Variants in MAP2K7 observed in about 807,000 individuals in gnomAD.
MAP2K7 encodes the protein dual specificity mitogen-activated protein kinase kinase 7.
A neutral mutation model predicts 47.7 loss-of-function variants in MAP2K7; 12 were observed. That is an observed-to-expected ratio of 0.25 (90% confidence interval 0.16 to 0.41). The LOEUF (loss-of-function observed/expected upper bound fraction) is 0.41, where lower values mean the gene tolerates loss of function less well. MAP2K7 is among the 10% of genes least tolerant of loss of function. MAP2K7 has a pLI of 1.00. For synonymous variants in MAP2K7, 299 were observed against 243.0 expected, an observed-to-expected ratio of 1.23 and a Z score of -2.14; for missense variants, 415 against 600.3, an observed-to-expected ratio of 0.69 and a Z score of 3.23.
chr19:7,905,813 G>A (rs1568274417), intron 1 of MAP2K7: 1 of 1,579,748 alleles, frequency 6.3e-7, no homozygotes, highest in Non-Finnish European at 8.6e-7. Flanking sequence ...TCCAGTTATT[G>A]TGATCACTCT....
In MAP2K7 at chr19:7,914,186, T is replaced by C. The variant is rs1229208248; in HGVS notation, c.*1755T>C. ...TTTTATTTAACTTTATTTTCTGTTT[T>C]ATGAGTGTGTGTCCGCCCACCCCCA... On this transcript the variant is annotated 3_prime_UTR_variant, in exon 11 of 11. Coordinates refer to ENST00000397979, the MANE Select transcript of MAP2K7 (RefSeq NM_145185.4). 4 of 152,332 alleles carry C rather than the reference T, an allele frequency of 2.6e-5. No individual in the cohort carries two copies. Among genetic ancestry groups the C allele is most frequent in the African/African-American group, 9.7e-5 (4 of 41,434 alleles). 9.4% of individuals were successfully genotyped at this position (152,332 alleles called of 1,614,324 possible). A position where few individuals can be genotyped will look rare whatever the true frequency, so the allele number is the denominator to read the frequency against.
rs56278855 is a variant in MAP2K7 at position 7,911,316 on chromosome 19, C to T, written c.922C>T (p.Leu308=). 7.2e-5 allele frequency: 116 copies of T among 1,613,470 alleles called. No homozygotes were observed. In the East Asian group the frequency reaches 2.3e-3, roughly 33 times the overall value. Residue 308 remains leucine, a synonymous_variant, in exon 8 of 11, where the codon CTG becomes TTG. Coordinates refer to ENST00000397979, the MANE Select transcript of MAP2K7 (RefSeq NM_145185.4). ...TGACATCCGGGCCGACGTATGGAGC[C>T]TGGGCATCTCGTTGGTGAGTTGGGG... is the stretch of plus-strand genomic sequence containing the variant. The part of the protein sequence containing the change: ...DYDIRADVWS[L]GISLVELATG...
intron 1 of MAP2K7, among the ~76,000 whole-genome samples, chr19:7,909,490 G>A (rs1396142612): frequency 3.3e-5 from 5 of 152,206 alleles, no homozygotes; most frequent in Admixed American, 2.6e-4. Flanking sequence ...CTCCGTCAGC[G>A]TAGACTTGGG....
chr19:7,905,712 C>T, intron 1 of MAP2K7: 1 of 1,126,674 alleles, frequency 8.9e-7, no homozygotes, highest in Non-Finnish European at 1.4e-6. Flanking sequence ...CCCCCTCCTC[C>T]TCGTTTATGA....
rs760538458 is a variant in MAP2K7, at chr19:7,911,231, T to TCTC, written c.856-14_856-12dup. Reference sequence around the variant, plus strand: ...CGGCCCCAGCCTTGGAGATACGTCTTCTCCTCCCCCCCCTGCAGCCCGAGC... The same window carrying TCTC: ...CGGCCCCAGCCTTGGAGATACGTCTTCTCCTCCTCCCCCCCCTGCAGCCCGAGC... On this transcript the variant is annotated intron_variant, in intron 7 of 10. Transcript: ENST00000397979. The TCTC allele has an allele frequency of 1.4e-4, 221 of 1,605,936 alleles. No homozygotes were observed. The highest frequency in any genetic ancestry group is 2.2e-4 in the South Asian group (20 of 90,904).
chr19:7,910,737 T>G lies in MAP2K7; in HGVS notation c.609T>G (p.Ala203=), dbSNP rs770062647. Residue 203 remains alanine, a synonymous_variant, in exon 6 of 11, where the codon GCT becomes GCG. Transcript: ENST00000397979. ...FIAMELMGTC[A]EKLKKRMQGP... ...CCATGGAGCTCATGGGCACCTGCGC[T>G]GAGAAGCTCAAGAAGCGGATGCAGG... The G allele has an allele frequency of 6.2e-7, 1 of 1,612,000 alleles. No homozygotes were observed.
chr19:7,911,721 C>T (rs1982886712), intron 9 of MAP2K7, 143 bp downstream of exon 9: 3 of 884,884 alleles, frequency 3.4e-6, no homozygotes, highest in Non-Finnish European at 5.0e-6. Context: ...GCGGCTGCCA[C>T]AGGAGCTGGA....
In MAP2K7 at chr19:7,911,865, G is replaced by A. The variant is rs971971937; in HGVS notation, c.1080-284G>A. On this transcript the variant is annotated intron_variant, in intron 9 of 10. Coordinates refer to ENST00000397979, the MANE Select transcript of MAP2K7 (RefSeq NM_145185.4). ...ACAAGCACAGCTACAAGTTCAGGAG[G>A]GCCATGTTCGATTCTCTCAGGGGAG... 2.0e-5 allele frequency among the ~76,000 whole-genome samples: 3 copies of A among 152,300 alleles called. No homozygotes were observed. In the Middle Eastern group the frequency reaches 0.01, roughly 518 times the overall value.
intron 6 of MAP2K7, 75 bp downstream of exon 6, chr19:7,910,878 C>T: frequency 6.3e-7 from 1 of 1,588,166 alleles, no homozygotes; most frequent in Non-Finnish European, 8.6e-7. Flanking sequence ...GTGCACTGGG[C>T]AAGATGACAG....
In MAP2K7 at chr19:7,912,852, C is replaced by A. The variant is rs924729550; in HGVS notation, c.*421C>A. Reference sequence around the variant, plus strand: ...CCGTCGCCCTCTGTCCCCTGCTCTACCTCTCTGTCCTTGTCTGGCTCTCCC... The same window carrying A: ...CCGTCGCCCTCTGTCCCCTGCTCTAACTCTCTGTCCTTGTCTGGCTCTCCC... On this transcript the variant is annotated 3_prime_UTR_variant, in exon 11 of 11. Transcript: ENST00000397979. The A allele has an allele frequency of 9.8e-6, 2 of 205,082 alleles. No individual in the cohort carries two copies. The allele number at this position is 205,082 out of a possible 1,614,324, so 12.7% of individuals were successfully genotyped here.
In MAP2K7 at chr19:7,912,733, CCAGGGGCCA is replaced by C. The variant is rs1197228880; in HGVS notation, c.*303_*311del. Reference sequence around the variant, plus strand: ...CGCAGCCTCTGGGCCGGGGCGGCCCCCAGGGGCCAGGAGAGAGCCCTGGAGTCCCGCAGC... The same window carrying C: ...CGCAGCCTCTGGGCCGGGGCGGCCCCGGAGAGAGCCCTGGAGTCCCGCAGC... On this transcript the variant is annotated 3_prime_UTR_variant, in exon 11 of 11. Coordinates refer to ENST00000397979, the MANE Select transcript of MAP2K7 (RefSeq NM_145185.4). 4 of 451,536 alleles carry C rather than the reference CCAGGGGCCA, an allele frequency of 8.9e-6. No individual in the cohort carries two copies. Among genetic ancestry groups the C allele is most frequent in the African/African-American group, 8.0e-5 (4 of 50,258 alleles). The allele number at this position is 451,536 out of a possible 1,614,324, so 28.0% of individuals were successfully genotyped here.
chr19:7,909,894 G>T lies in MAP2K7; in HGVS notation c.264G>T (p.Glu88Asp). The T allele has an allele frequency of 6.6e-7, 1 of 1,517,234 alleles. No homozygotes were observed. Among genetic ancestry groups the T allele is most frequent in the Non-Finnish European group, 8.9e-7 (1 of 1,129,020 alleles). The allele number at this position is 1,517,234 out of a possible 1,614,324, so 94.0% of individuals were successfully genotyped here. A position where few individuals can be genotyped will look rare whatever the true frequency, so the allele number is the denominator to read the frequency against. ...CCCTGTTCACACCCCGCAGCATGGAGAGGTGAGCCAGGGGCCCAGCAGGGT... is the reference window on the plus strand; with the variant it reads ...CCCTGTTCACACCCCGCAGCATGGATAGGTGAGCCAGGGGCCCAGCAGGGT... ...PSTLFTPRSMESIEIDQKLQE... is the reference protein window; with the variant it reads ...PSTLFTPRSMDSIEIDQKLQE... Residue 88 changes from glutamate to aspartate, a missense_variant and splice_region_variant, in exon 2 of 11, where the codon GAG (glutamate) becomes GAT (aspartate). By Grantham distance (45) the Glu-to-Asp change is conservative (BLOSUM62 2). Transcript: ENST00000397979.
rs958655152 is a variant in MAP2K7 at position 7,913,520 on chromosome 19, CCGGGCTGAGGGTGGGGGT to C, written c.*1090_*1107del. 21 of 151,222 alleles carry C rather than the reference CCGGGCTGAGGGTGGGGGT, an allele frequency of 1.4e-4. No homozygotes were observed. Among genetic ancestry groups the C allele is most frequent in the Admixed American group, 1.3e-3 (20 of 15,198 alleles). The allele number at this position is 151,222 out of a possible 1,614,324, so 9.4% of individuals were successfully genotyped here. A position where few individuals can be genotyped will look rare whatever the true frequency, so the allele number is the denominator to read the frequency against. ...TGACAAGCTCCAGCAGGGGTGGGGGCCGGGCTGAGGGTGGGGGTGCGAGGTGGTCACTCCCATCGTGCC... is the reference window on the plus strand; with the variant it reads ...TGACAAGCTCCAGCAGGGGTGGGGGCGCGAGGTGGTCACTCCCATCGTGCC... On this transcript the variant is annotated 3_prime_UTR_variant, in exon 11 of 11. Coordinates refer to ENST00000397979, the MANE Select transcript of MAP2K7 (RefSeq NM_145185.4).
At chr19:7,908,492 G>A (rs1982604463) in intron 1 of MAP2K7, among the ~76,000 whole-genome samples, 1 of 152,222 alleles carries the variant, frequency 6.6e-6, no homozygotes, top group African/African-American at 2.4e-5. Flanking sequence ...CTGCCAGCAT[G>A]GAGCGGGTTT....
intron 1 of MAP2K7, among the ~76,000 whole-genome samples, chr19:7,908,896 C>T (rs1311727182): frequency 6.6e-6 from 1 of 152,124 alleles, no homozygotes; most frequent in African/African-American, 2.4e-5. Flanking sequence ...GTCTGTCTGT[C>T]TCCTGCCCTC....
rs1238524673 is a variant in MAP2K7 at position 7,911,061 on chromosome 19, G to A, written c.757G>A (p.Glu253Lys). The A allele has an allele frequency of 2.5e-6, 4 of 1,612,698 alleles. No individual in the cohort carries two copies. The highest frequency in any genetic ancestry group is 2.2e-5 in the South Asian group (2 of 91,084). Reference protein sequence around the residue: ...DVKPSNILLDERGQIKLCDFG... With the variant: ...DVKPSNILLDKRGQIKLCDFG... Reference sequence around the variant, plus strand: ...CAAGCCCTCCAACATCCTGCTGGACGAGCGGGGCCAGATCAAGCTCTGCGA... The same window carrying A: ...CAAGCCCTCCAACATCCTGCTGGACAAGCGGGGCCAGATCAAGCTCTGCGA... The change falls in exon 7 of 11, where the codon GAG becomes AAG. Residue 253 changes from glutamate to lysine, a missense_variant. Transcript: ENST00000397979.
chr19:7,907,717 GCT>G (rs1982557359), intron 1 of MAP2K7, among the ~76,000 whole-genome samples: 1 of 152,198 alleles, frequency 6.6e-6, no homozygotes, highest in Non-Finnish European at 1.5e-5. Context: ...GGCCTGGTGG[GCT>G]CTGTCAGGGA....
chr19:7,914,338 G>T lies in MAP2K7; in HGVS notation c.*1907G>T, dbSNP rs1983156758. 1 of 152,352 alleles carries T rather than the reference G, an allele frequency of 6.6e-6. No homozygotes were observed. Among genetic ancestry groups the T allele is most frequent in the Non-Finnish European group, 1.5e-5 (1 of 68,048 alleles). 9.4% of individuals were successfully genotyped at this position (152,352 alleles called of 1,614,324 possible). A position where few individuals can be genotyped will look rare whatever the true frequency, so the allele number is the denominator to read the frequency against. ...CAGAGGGCGGACCGGGTGGGCAGGGGCCTGAGGGTGGCTCGGGCCAGCCCA... is the reference window on the plus strand; with the variant it reads ...CAGAGGGCGGACCGGGTGGGCAGGGTCCTGAGGGTGGCTCGGGCCAGCCCA... On this transcript the variant is annotated 3_prime_UTR_variant, in exon 11 of 11. Transcript: ENST00000397979.
In MAP2K7 at chr19:7,910,693, C is replaced by T; in HGVS notation, c.568-3C>T. 6.2e-7 allele frequency: 1 copy of T among 1,608,336 alleles called. No individual in the cohort carries two copies. The highest frequency in any genetic ancestry group is 1.7e-4 in the Middle Eastern group (1 of 6,050). ...GCTCCCCCGGGTGCCCCTCTCCCTGCAGACGGACGTCTTCATCGCCATGGA... is the reference window on the plus strand; with the variant it reads ...GCTCCCCCGGGTGCCCCTCTCCCTGTAGACGGACGTCTTCATCGCCATGGA... On this transcript the variant is annotated splice_region_variant and splice_polypyrimidine_tract_variant and intron_variant, in intron 5 of 10. Transcript: ENST00000397979.
Sources: allele counts gnomAD v4.1 joint callset (sites outside exome capture counted in the v4.1 genomes callset), GRCh38; gene constraint gnomAD v4.1.1; transcripts MANE v1.5; gene names NCBI Gene and HGNC (gene_info 2026-07-23, HGNC 2026-07-21).